Variants in CNTNAP2 observed in about 807,000 individuals in gnomAD.
CNTNAP2 encodes the protein contactin associated protein 2, also known as contactin-associated protein-like 2.
Under a neutral mutation model 155.2 loss-of-function variants are expected in CNTNAP2, and 98 were observed. The observed-to-expected ratio is 0.63, with a 90% CI of 0.54 to 0.75. The LOEUF (loss-of-function observed/expected upper bound fraction) is 0.75. Ranked by LOEUF, CNTNAP2 falls within the 30% of genes least tolerant of loss-of-function variation. The pLI is 0.00. For synonymous variants in CNTNAP2, 651 were observed against 631.2 expected, an observed-to-expected ratio of 1.03 and a Z score of -0.47; for missense variants, 1,727 against 1,688.1, an observed-to-expected ratio of 1.02 and a Z score of -0.40.
intron 12 of CNTNAP2, among the ~76,000 whole-genome samples, chr7:147,573,470 T>C: frequency 6.6e-6 from 1 of 152,200 alleles, no homozygotes; most frequent in Non-Finnish European, 1.5e-5. Flanking sequence ...TGGACCCCTA[T>C]TTGTCCTTCT....
chr7:147,755,318 T>C (rs1194753227), intron 13 of CNTNAP2, among the ~76,000 whole-genome samples: 1 of 152,228 alleles, frequency 6.6e-6, no homozygotes, highest in Non-Finnish European at 1.5e-5. Flanking sequence ...ATTTGTCACA[T>C]TTCAAATGTT....
chr7:146,969,568 G>A (rs1468001509), intron 3 of CNTNAP2, among the ~76,000 whole-genome samples: 1 of 152,012 alleles, frequency 6.6e-6, no homozygotes, highest in Non-Finnish European at 1.5e-5. Context: ...TTATGTAATG[G>A]CCTTCTTTGT....
At chr7:147,497,395 C>T (rs1474111585) in intron 11 of CNTNAP2, among the ~76,000 whole-genome samples, 1 of 152,166 alleles carries the variant, frequency 6.6e-6, no homozygotes, top group Non-Finnish European at 1.5e-5. Flanking sequence ...GCTGTCATTT[C>T]TCATTAGCAG....
intron 1 of CNTNAP2, among the ~76,000 whole-genome samples, chr7:146,217,105 A>G (rs1184761195): frequency 6.6e-6 from 1 of 152,228 alleles, no homozygotes; most frequent in African/African-American, 2.4e-5. Context: ...ATTTGAAAGT[A>G]TGGGAACACT....
At chr7:147,986,720 T>C (rs1021549618) in intron 15 of CNTNAP2, among the ~76,000 whole-genome samples, 2 of 152,194 alleles carry the variant, frequency 1.3e-5, no homozygotes, top group African/African-American at 4.8e-5. Context: ...CTTGGGTCTC[T>C]GCCTATCAAC....
intron 1 of CNTNAP2, among the ~76,000 whole-genome samples, chr7:146,268,111 G>A (rs953354892): frequency 3.3e-5 from 5 of 152,068 alleles, no homozygotes; most frequent in East Asian, 1.9e-4. Flanking sequence ...CAGAGCTCTC[G>A]CTAAACACAG....
intron 15 of CNTNAP2, among the ~76,000 whole-genome samples, chr7:148,079,894 C>CT: frequency 6.6e-6 from 1 of 152,266 alleles, no homozygotes; most frequent in African/African-American, 2.4e-5. Context: ...TTCAGGTTAA[C>CT]TTTGGAATGC....
chr7:146,959,241 A>G (rs1257631642), intron 3 of CNTNAP2, among the ~76,000 whole-genome samples: 3 of 151,898 alleles, frequency 2.0e-5, no homozygotes, highest in Non-Finnish European at 4.4e-5. Context: ...GCTGGTTTCA[A>G]ACTCCCGACA....
intron 9 of CNTNAP2, among the ~76,000 whole-genome samples, chr7:147,359,202 C>T (rs554420892): frequency 4.8e-4 from 73 of 152,224 alleles, no homozygotes; most frequent in African/African-American, 1.7e-3. Flanking sequence ...TTTTCTCCAC[C>T]TCTGTAAATG....
At chr7:146,900,482 C>T (rs1490900332) in intron 3 of CNTNAP2, among the ~76,000 whole-genome samples, 3 of 152,166 alleles carry the variant, frequency 2.0e-5, no homozygotes, top group Non-Finnish European at 2.9e-5. Context: ...CCCAACTGTT[C>T]TAAACCTTGC....
At chr7:147,615,012 G>T (rs1410247723) in intron 12 of CNTNAP2, among the ~76,000 whole-genome samples, 9 of 151,118 alleles carry the variant, frequency 6.0e-5, no homozygotes, top group Admixed American at 5.3e-4. Flanking sequence ...CAGTAACTTG[G>T]GAGGCCAAGG....
intron 13 of CNTNAP2, among the ~76,000 whole-genome samples, chr7:147,884,469 C>G (rs1799572594): frequency 6.8e-6 from 1 of 146,908 alleles, no homozygotes; most frequent in Non-Finnish European, 1.5e-5. Flanking sequence ...TCATTACAAT[C>G]AAACTGATAT....
At chr7:146,647,504 TAAA>T in intron 1 of CNTNAP2, among the ~76,000 whole-genome samples, 1 of 152,284 alleles carries the variant, frequency 6.6e-6, no homozygotes, top group South Asian at 2.1e-4. Flanking sequence ...ACTAGGCCAT[TAAA>T]AATCTTATAA....
chr7:147,879,929 G>T (rs920787293), intron 13 of CNTNAP2, among the ~76,000 whole-genome samples: 10 of 152,110 alleles, frequency 6.6e-5, no homozygotes, highest in Non-Finnish European at 1.5e-4. Flanking sequence ...ATTTCCTTAG[G>T]TGGGTAATGA....
intron 4 of CNTNAP2, among the ~76,000 whole-genome samples, chr7:147,071,659 G>A (rs542723234): frequency 1.1e-3 from 174 of 152,292 alleles, no homozygotes; most frequent in African/African-American, 4.0e-3. Context: ...GCTGAGATCT[G>A]TAAAATGAGT....
intron 1 of CNTNAP2, among the ~76,000 whole-genome samples, chr7:146,665,044 G>A (rs1003965963): frequency 6.6e-6 from 1 of 152,112 alleles, no homozygotes; most frequent in Non-Finnish European, 1.5e-5. Context: ...TACCTCCCAG[G>A]TTCAAGCGCT....
At chr7:147,907,445 T>C (rs1177867019) in intron 14 of CNTNAP2, among the ~76,000 whole-genome samples, 1 of 152,296 alleles carries the variant, frequency 6.6e-6, no homozygotes, top group East Asian at 1.9e-4. Flanking sequence ...TCTTGGTCTT[T>C]GAATTCACCA....
intron 1 of CNTNAP2, among the ~76,000 whole-genome samples, chr7:146,524,147 A>C (rs1797654881): frequency 6.6e-6 from 1 of 152,022 alleles, no homozygotes; most frequent in South Asian, 2.1e-4. Context: ...TAGTTGAAAC[A>C]TAGACTCACT....
intron 10 of CNTNAP2, among the ~76,000 whole-genome samples, chr7:147,441,988 G>A (rs1446856709): frequency 1.3e-5 from 2 of 151,852 alleles, no homozygotes; most frequent in Middle Eastern, 3.4e-3. Context: ...TGGGTCCTAC[G>A]CAGCATCTGT....
Sources: allele counts gnomAD v4.1 joint callset (sites outside exome capture counted in the v4.1 genomes callset), GRCh38; gene constraint gnomAD v4.1.1; transcripts MANE v1.5; gene names NCBI Gene and HGNC (gene_info 2026-07-23, HGNC 2026-07-21).